RGS21: variants seen among roughly 807,000 people sequenced by gnomAD.
The protein encoded by RGS21 is regulator of G-protein signalling 21.
A neutral mutation model predicts 18.7 loss-of-function variants in RGS21; 19 were observed. That is an observed-to-expected ratio of 1.01 (90% CI 0.71 to 1.49). The LOEUF is 1.49. Ranked by LOEUF, RGS21 falls within the 40% of genes most tolerant of loss-of-function variation. The pLI, the probability that RGS21 is intolerant of heterozygous loss-of-function variation, is 0.00. For synonymous variants in RGS21, 56 were observed against 57.8 expected (o/e 0.97, Z 0.14); for missense variants, 194 against 176.8 (o/e 1.10, Z -0.55).
chr1:192,351,630 A>G (rs1457892557), intron 3 of RGS21, among the ~76,000 whole-genome samples: 1 of 149,986 alleles, frequency 6.7e-6, no homozygotes, highest in Non-Finnish European at 1.5e-5. Context: ...TTGTTAATGA[A>G]GCTAATTGTA....
chr1:192,365,928 T>C lies in RGS21; in HGVS notation c.263T>C (p.Ile88Thr), dbSNP rs1475812285. The C allele has an allele frequency of 3.8e-6, 6 of 1,591,764 alleles. No homozygotes were observed. Among genetic ancestry groups the C allele is most frequent in the East Asian group, 4.5e-5 (2 of 44,656 alleles). The part of the protein sequence containing the change: ...IEADAPKEIN[I>T]DFGTRDLISK... The stretch of plus-strand genomic sequence containing the variant: ...CAACCTTATTTTCCACAGATTAACA[T>C]TGACTTCGGTACCAGAGACCTCATC... Residue 88 changes from isoleucine (I) to threonine (T), a missense_variant, in exon 5 of 5, where the codon ATT (isoleucine) becomes ACT (threonine). Physicochemically the swap from Ile to Thr is moderately conservative, Grantham distance 89 (BLOSUM62 -1). Coordinates refer to ENST00000417209, the MANE Select transcript of RGS21 (RefSeq NM_001039152.3).
chr1:192,342,810 C>A (rs1658890740), intron 1 of RGS21, among the ~76,000 whole-genome samples, 167 bp from the exon 2 acceptor site: 1 of 151,904 alleles, frequency 6.6e-6, no homozygotes, highest in African/African-American at 2.4e-5. Context: ...CACATTTATT[C>A]AAAGAGTTAT....
chr1:192,366,159 G>T lies in RGS21; in HGVS notation c.*35G>T. 1 of 1,194,444 alleles carries T rather than the reference G, an allele frequency of 8.4e-7. No homozygotes were observed. 74.0% of individuals were successfully genotyped at this position (1,194,444 alleles called of 1,614,324 possible). On this transcript the variant is annotated 3_prime_UTR_variant, in exon 5 of 5. Coordinates refer to ENST00000417209, the MANE Select transcript of RGS21 (RefSeq NM_001039152.3). ...AAGTTAACTAATCACTATACTTCAG[G>T]GCTACAATATTTTAAATATACAAGC... is the stretch of plus-strand genomic sequence containing the variant.
chr1:192,354,487 TG>T (rs1659085581), intron 4 of RGS21, among the ~76,000 whole-genome samples: 1 of 151,570 alleles, frequency 6.6e-6, no homozygotes. Flanking sequence ...GTAGAGGACT[TG>T]GGGATGAGGT....
chr1:192,341,339 G>T (rs1196117194), intron 1 of RGS21, among the ~76,000 whole-genome samples: 2 of 151,984 alleles, frequency 1.3e-5, no homozygotes, highest in Non-Finnish European at 2.9e-5. Flanking sequence ...TTCAGGGAGG[G>T]TTGTATACTT....
chr1:192,362,378 G>T (rs1273307078), intron 4 of RGS21, among the ~76,000 whole-genome samples: 1 of 152,062 alleles, frequency 6.6e-6, no homozygotes, highest in African/African-American at 2.4e-5. Flanking sequence ...AAAAATAAGA[G>T]TGAGAATGAA....
rs147128608 is a variant in RGS21, at chr1:192,352,056, A to G, written c.98A>G (p.Asp33Gly). ...DTLLANQAGL[D>G]AFRIFLKSEF... ...CTCATATATTTTATAGCTGGTCTAGATGCTTTTCGAATATTTCTAAAATCA... is the reference window on the plus strand; with the variant it reads ...CTCATATATTTTATAGCTGGTCTAGGTGCTTTTCGAATATTTCTAAAATCA... Residue 33 changes from aspartate (D) to glycine (G), a missense_variant, in exon 4 of 5, where the codon GAT becomes GGT. Coordinates refer to ENST00000417209, the MANE Select transcript of RGS21 (RefSeq NM_001039152.3). 1.3e-6 allele frequency: 2 copies of G among 1,593,558 alleles called. No homozygotes were observed. Among genetic ancestry groups the G allele is most frequent in the East Asian group, 4.5e-5 (2 of 44,406 alleles).
At chr1:192,357,409 A>G (rs1659126195) in intron 4 of RGS21, among the ~76,000 whole-genome samples, 1 of 151,906 alleles carries the variant, frequency 6.6e-6, no homozygotes, top group Non-Finnish European at 1.5e-5. Context: ...TCAAAAGAAG[A>G]AAGGGAGACA....
At chr1:192,342,061 C>G (rs1358912391) in intron 1 of RGS21, among the ~76,000 whole-genome samples, 2 of 151,958 alleles carry the variant, frequency 1.3e-5, no homozygotes, top group Non-Finnish European at 2.9e-5. Context: ...GCCACTGATA[C>G]TAACCATTTC....
chr1:192,343,260 C>G (rs1658899750), intron 2 of RGS21, among the ~76,000 whole-genome samples: 2 of 151,812 alleles, frequency 1.3e-5, no homozygotes. Flanking sequence ...TTCATGTGGG[C>G]TAAAGAAAGG....
intron 4 of RGS21, among the ~76,000 whole-genome samples, chr1:192,362,801 TTCTC>T (rs1383861594): frequency 6.6e-6 from 1 of 152,030 alleles, no homozygotes; most frequent in Non-Finnish European, 1.5e-5. Context: ...AATTGAAGAG[TTCTC>T]TCTAAAATTT....
intron 3 of RGS21, 65 bp from the exon 4 acceptor site, chr1:192,351,982 C>A: frequency 1.2e-6 from 1 of 832,010 alleles, no homozygotes; most frequent in Non-Finnish European, 1.8e-6. Context: ...ATACAATGTA[C>A]TCATTTTGGT....
At chr1:192,345,269 G>C (rs1658929921) in intron 2 of RGS21, among the ~76,000 whole-genome samples, 1 of 152,032 alleles carries the variant, frequency 6.6e-6, no homozygotes, top group Admixed American at 6.6e-5. Flanking sequence ...ACATACCTCA[G>C]AGTTGAGAAT....
At chr1:192,338,452 A>G (rs1360911300) in intron 1 of RGS21, among the ~76,000 whole-genome samples, 3 of 152,134 alleles carry the variant, frequency 2.0e-5, no homozygotes, top group Admixed American at 6.6e-5. Context: ...ATTTGAATAG[A>G]AACATAATAT....
chr1:192,358,936 C>T (rs572700446), intron 4 of RGS21, among the ~76,000 whole-genome samples: 5 of 152,150 alleles, frequency 3.3e-5, no homozygotes, highest in African/African-American at 1.2e-4. Flanking sequence ...CTACCTGAAA[C>T]ATCATTCATA....
intron 3 of RGS21, among the ~76,000 whole-genome samples, chr1:192,350,359 C>G (rs1659022638): frequency 6.6e-6 from 1 of 152,192 alleles, no homozygotes; most frequent in Non-Finnish European, 1.5e-5. Context: ...TTCACTTTTG[C>G]ATTCTGCAGG....
intron 1 of RGS21, among the ~76,000 whole-genome samples, chr1:192,331,855 C>T (rs553040137): frequency 6.6e-6 from 1 of 151,796 alleles, no homozygotes. Flanking sequence ...TCCTTTGAGA[C>T]CATTTAAAAG....
chr1:192,318,485 C>A (rs1658449790), intron 1 of RGS21, among the ~76,000 whole-genome samples: 1 of 152,090 alleles, frequency 6.6e-6, no homozygotes, highest in Non-Finnish European at 1.5e-5. Flanking sequence ...TTACGCTGAG[C>A]TAAACTCTCT....
At chr1:192,339,912 A>ATTAG (rs61135244) in intron 1 of RGS21, among the ~76,000 whole-genome samples, 89,266 of 151,382 alleles carry the variant, frequency 0.59, 28,855 homozygotes, top group African/African-American at 0.87. Context: ...TACTTTTTAA[A>ATTAG]TTAATTAATT....
Sources: gnomAD v4.1 joint callset for allele counts (sites outside exome capture counted in the v4.1 genomes callset) on GRCh38, gnomAD v4.1.1 for gene constraint, MANE v1.5 for transcripts, NCBI Gene and HGNC (gene_info 2026-07-23, HGNC 2026-07-21) for gene names.